Variants in RSU1 observed in about 807,000 individuals in gnomAD.
RSU1 encodes rsu-1.
A neutral mutation model predicts 31.1 loss-of-function variants in RSU1; 26 were observed. The ratio of observed to expected loss-of-function variants is 0.84; its 90% CI spans 0.61 to 1.16. The LOEUF (loss-of-function observed/expected upper bound fraction) is 1.16. Ranked by LOEUF, RSU1 falls within the 50% of genes most tolerant of loss-of-function variation. The pLI, the probability that RSU1 is intolerant of heterozygous loss-of-function variation, is 0.00. For missense variants in RSU1, 320 were observed against 339.1 expected, an observed-to-expected ratio of 0.94 and a Z score of 0.44; for synonymous variants, 164 against 136.3, an observed-to-expected ratio of 1.20 and a Z score of -1.41.
intron 2 of RSU1, among the ~76,000 whole-genome samples, chr10:16,804,718 G>C (rs371266155): frequency 9.8e-5 from 15 of 152,318 alleles, no homozygotes; most frequent in South Asian, 4.1e-4. Context: ...CCAATCTGTA[G>C]AGGCTATATA....
intron 7 of RSU1, among the ~76,000 whole-genome samples, chr10:16,734,786 A>G (rs1022870587): frequency 1.3e-5 from 2 of 152,220 alleles, no homozygotes; most frequent in African/African-American, 4.8e-5. Context: ...GCTGAATTCC[A>G]TCCTAACCCT....
chr10:16,727,414 A>T (rs1836421507), intron 7 of RSU1, among the ~76,000 whole-genome samples: 1 of 152,218 alleles, frequency 6.6e-6, no homozygotes, highest in Non-Finnish European at 1.5e-5. Context: ...TTCAAACAGA[A>T]GCTGGCAGAA....
chr10:16,736,587 C>CA (rs1371549042), intron 7 of RSU1, among the ~76,000 whole-genome samples: 1 of 151,666 alleles, frequency 6.6e-6, no homozygotes. Flanking sequence ...TTCATACAAC[C>CA]AAAAATGTAC....
intron 2 of RSU1, among the ~76,000 whole-genome samples, chr10:16,790,599 G>A (rs1837892068): frequency 6.6e-6 from 1 of 152,172 alleles, no homozygotes; most frequent in Non-Finnish European, 1.5e-5. Context: ...TCTGAGCACA[G>A]AGATGAAAAA....
chr10:16,605,369 T>C (rs1275631380), intron 8 of RSU1, among the ~76,000 whole-genome samples: 1 of 152,220 alleles, frequency 6.6e-6, no homozygotes, highest in African/African-American at 2.4e-5. Context: ...CTTATCTGTC[T>C]TGTTCAGTGT....
chr10:16,786,600 A>G (rs550238966), intron 2 of RSU1, among the ~76,000 whole-genome samples: 1 of 152,100 alleles, frequency 6.6e-6, no homozygotes, highest in African/African-American at 2.4e-5. Flanking sequence ...GAGCTAGGGA[A>G]TAACACACTC....
chr10:16,646,661 C>T (rs1834577294), intron 8 of RSU1, among the ~76,000 whole-genome samples: 1 of 152,220 alleles, frequency 6.6e-6, no homozygotes, highest in Non-Finnish European at 1.5e-5. Context: ...GGGGTTACTA[C>T]ATGGCACATG....
chr10:16,685,584 C>T (rs559647712), intron 8 of RSU1, among the ~76,000 whole-genome samples: 151 of 152,300 alleles, frequency 9.9e-4, no homozygotes, highest in Non-Finnish European at 1.1e-3. Flanking sequence ...GCTGTCATGG[C>T]GCTGATGGGA....
chr10:16,647,232 A>T (rs578069434), intron 8 of RSU1, among the ~76,000 whole-genome samples: 3 of 152,134 alleles, frequency 2.0e-5, no homozygotes, highest in African/African-American at 7.2e-5. Flanking sequence ...TCGGCCTCCC[A>T]AAGTGTTGGG....
intron 7 of RSU1, among the ~76,000 whole-genome samples, chr10:16,696,240 C>T (rs1159943592): frequency 1.3e-5 from 2 of 152,162 alleles, no homozygotes; most frequent in South Asian, 4.1e-4. Context: ...ACCGAAGTTA[C>T]GTGCTGTTGC....
intron 7 of RSU1, among the ~76,000 whole-genome samples, chr10:16,722,318 A>G (rs1438294398): frequency 6.6e-6 from 1 of 152,290 alleles, no homozygotes; most frequent in East Asian, 1.9e-4. Flanking sequence ...ATGAGGTGGG[A>G]ATATTGTTTA....
chr10:16,679,729 G>A (rs1361104793), intron 8 of RSU1, among the ~76,000 whole-genome samples: 1 of 152,038 alleles, frequency 6.6e-6, no homozygotes. Context: ...TCTGTCTGAA[G>A]GCTCTCTATT....
At chr10:16,724,484 C>T (rs1324454134) in intron 7 of RSU1, among the ~76,000 whole-genome samples, 2 of 152,176 alleles carry the variant, frequency 1.3e-5, no homozygotes, top group African/African-American at 4.8e-5. Flanking sequence ...ACAGATTTTT[C>T]TCCGTCCTAA....
intron 7 of RSU1, among the ~76,000 whole-genome samples, chr10:16,748,784 T>C (rs1836912130): frequency 6.6e-6 from 1 of 152,024 alleles, no homozygotes; most frequent in Admixed American, 6.6e-5. Context: ...TTCCTTTAAG[T>C]CTCTGCATAA....
intron 7 of RSU1, among the ~76,000 whole-genome samples, chr10:16,750,639 T>A (rs1278188436): frequency 6.6e-6 from 1 of 152,086 alleles, no homozygotes; most frequent in Non-Finnish European, 1.5e-5. Flanking sequence ...TCAAATGACA[T>A]CAAAATACAC....
chr10:16,816,139 G>A (rs1158301400), intron 2 of RSU1, among the ~76,000 whole-genome samples: 1 of 152,212 alleles, frequency 6.6e-6, no homozygotes, highest in Non-Finnish European at 1.5e-5. Context: ...ATTAGAATTA[G>A]TAGCCAACAT....
chr10:16,783,950 G>C (rs1837714187), intron 2 of RSU1, among the ~76,000 whole-genome samples: 1 of 152,196 alleles, frequency 6.6e-6, no homozygotes, highest in African/African-American at 2.4e-5. Flanking sequence ...ATCTGGTTGA[G>C]AATTCACGCT....
At chr10:16,626,532 T>C (rs1007603751) in intron 8 of RSU1, among the ~76,000 whole-genome samples, 1 of 152,142 alleles carries the variant, frequency 6.6e-6, no homozygotes, top group Non-Finnish European at 1.5e-5. Context: ...GGCTCTTCTG[T>C]GGCAATGTTG....
Position 16,665,499 on chromosome 10 carries a change from C to G in RSU1, c.731+29524G>C, listed in dbSNP as rs543816831. 2.2e-4 allele frequency among the ~76,000 whole-genome samples: 34 copies of G among 152,284 alleles called. No individual in the cohort carries two copies. The South Asian group carries it at 6.4e-3, about 29-fold the overall frequency. Reference sequence around the variant, plus strand: ...CTCAACAAATAATACTCAAAGCAAACATAGTTATCTCAAAATCTGCATGAA... The same window carrying G: ...CTCAACAAATAATACTCAAAGCAAAGATAGTTATCTCAAAATCTGCATGAA... On this transcript the variant is annotated intron_variant, in intron 8 of 8. Coordinates refer to ENST00000345264, the MANE Select transcript of RSU1 (RefSeq NM_012425.4).
Sources: allele counts gnomAD v4.1 joint callset (sites outside exome capture counted in the v4.1 genomes callset), GRCh38; gene constraint gnomAD v4.1.1; transcripts MANE v1.5; gene names NCBI Gene and HGNC (gene_info 2026-07-23, HGNC 2026-07-21).